Variants in GCNT4 observed in about 807,000 individuals in gnomAD.
GCNT4 encodes the protein beta-1,3-galactosyl-O-glycosyl-glycoprotein beta-1,6-N-acetylglucosaminyltransferase 4.
In GCNT4, 17 loss-of-function variants were observed where a neutral mutation model predicts 31.3. The observed-to-expected ratio is 0.54, with a 90% CI of 0.37 to 0.81. GCNT4 has a LOEUF of 0.81. GCNT4 is among the 40% of genes least tolerant of loss of function. The probability of loss-of-function intolerance (pLI) is 0.00; values close to 1 mark genes in which losing one functional copy is unlikely to be tolerated. For synonymous variants in GCNT4, 158 were observed against 190.6 expected (o/e 0.83, Z 1.41); for missense variants, 503 against 525.5 (o/e 0.96, Z 0.42).
At position 75,040,240 on chromosome 5, in the gene GCNT4, G is replaced by A. The variant is rs544315814; in HGVS notation, c.-2+7657C>T. ...GTCGCTTAGGCTGGAGTGCAGTGGC[G>A]CCAACTCAGCTCACTGCAACCTCCG... is the stretch of plus-strand genomic sequence containing the variant. On this transcript the variant is annotated intron_variant, in intron 3 of 3. Coordinates refer to ENST00000652361, the MANE Select transcript of GCNT4 (RefSeq NM_001366737.1). Among the ~76,000 whole-genome samples, 13 of 150,310 alleles carry A rather than the reference G, an allele frequency of 8.6e-5. No individual in the cohort carries two copies. The South Asian group carries it at 2.3e-3, about 27-fold the overall frequency.
chr5:75,046,319 T>TGGGG lies in GCNT4; in HGVS notation c.-2+1574_-2+1577dup, dbSNP rs1173177798. The stretch of plus-strand genomic sequence containing the variant: ...CTCCTTGTTCCACTGAGGTAGAATG[T>TGGGG]GGGGGTGTAGAGAAAGGACACAGCA... On this transcript the variant is annotated intron_variant, in intron 3 of 3. Transcript: ENST00000652361. Among the ~76,000 whole-genome samples, 4 of 152,020 alleles carry TGGGG rather than the reference T, an allele frequency of 2.6e-5. No homozygotes were observed. In the East Asian group the frequency reaches 7.7e-4, roughly 29 times the overall value.
upstream of GCNT4, among the ~76,000 whole-genome samples, chr5:75,053,952 C>T (rs1743651134): frequency 6.6e-6 from 1 of 152,120 alleles, no homozygotes; most frequent in African/African-American, 2.4e-5. Flanking sequence ...AACTCACATC[C>T]GCGGCTCCTT....
chr5:75,029,125 A>C lies in GCNT4; in HGVS notation c.913T>G (p.Phe305Val). The change falls in exon 4 of 4, where the codon TTT becomes GTT. Residue 305 changes from phenylalanine (F) to valine (V), a missense_variant. Physicochemically the swap from Phe to Val is conservative, Grantham distance 50. Transcript: ENST00000652361. The part of the protein sequence containing the change: ...NIQIFVGSAY[F>V]VLSQAFVKYI... ...TTAACAAATGCTTGACTTAAAACAA[A>C]ATAAGCACTGCCAACAAATATCTGA... The C allele has an allele frequency of 6.2e-7, 1 of 1,614,094 alleles. No homozygotes were observed. The highest frequency in any genetic ancestry group is 1.7e-5 in the Admixed American group (1 of 60,026).
intron 3 of GCNT4, among the ~76,000 whole-genome samples, chr5:75,040,386 G>C (rs1417164686): frequency 2.0e-5 from 3 of 152,100 alleles, no homozygotes; most frequent in Admixed American, 2.0e-4. Context: ...AGAAACATAA[G>C]GTCTTTGAAG....
intron 3 of GCNT4, among the ~76,000 whole-genome samples, chr5:75,035,535 A>G (rs1181818242): frequency 1.3e-5 from 2 of 152,146 alleles, no homozygotes; most frequent in Non-Finnish European, 2.9e-5. Flanking sequence ...TGATCAAACT[A>G]TTTAAGCTCT....
At chr5:75,053,712 G>A (rs1743643468), upstream of GCNT4, among the ~76,000 whole-genome samples, 1 of 152,070 alleles carries the variant, frequency 6.6e-6, no homozygotes, top group East Asian at 2.0e-4. Flanking sequence ...GTGACGTGCG[G>A]AGAAAGTAGG....
chr5:75,030,084 A>G, intron 3 of GCNT4, 46 bp from the exon 4 acceptor site: 1 of 1,530,530 alleles, frequency 6.5e-7, no homozygotes, highest in Non-Finnish European at 8.8e-7. Flanking sequence ...TTAACAGAAA[A>G]TCAGGTCAGT....
chr5:75,028,902 T>C lies in GCNT4; in HGVS notation c.1136A>G (p.Tyr379Cys), dbSNP rs758656396. The C allele has an allele frequency of 2.5e-6, 4 of 1,614,016 alleles. No homozygotes were observed. Among genetic ancestry groups the C allele is most frequent in the South Asian group, 1.1e-5 (1 of 91,080 alleles). Residue 379 changes from tyrosine to cysteine, a missense_variant, in exon 4 of 4, where the codon TAT (tyrosine) becomes TGT (cysteine). By Grantham distance (194) the Tyr-to-Cys change is radical. Transcript: ENST00000652361. ...VKWNYYEGFF[Y>C]PSCTGSHLRS... ...AAGGTGAGATCCAGTACAACTGGGA[T>C]AGAAAAAGCCTTCATAGTAATTCCA...
At chr5:75,022,715 C>A (rs1297894224), downstream of GCNT4, among the ~76,000 whole-genome samples, 1 of 152,164 alleles carries the variant, frequency 6.6e-6, no homozygotes, top group Admixed American at 6.5e-5. Flanking sequence ...GTAATAGAGA[C>A]TTGAGATGAC....
chr5:75,030,260 G>T, intron 3 of GCNT4: 2 of 491,450 alleles, frequency 4.1e-6, no homozygotes, highest in Non-Finnish European at 3.7e-6. Flanking sequence ...AATTTTGAGA[G>T]ATGTTGGTTT....
At chr5:75,049,813 C>T (rs902872734) in intron 2 of GCNT4, among the ~76,000 whole-genome samples, 3 of 152,168 alleles carry the variant, frequency 2.0e-5, no homozygotes, top group African/African-American at 7.2e-5. Flanking sequence ...CGGATCCTGG[C>T]CTTAACTTTG....
intron 3 of GCNT4, among the ~76,000 whole-genome samples, chr5:75,043,017 A>T (rs1580244431): frequency 6.6e-6 from 1 of 152,238 alleles, no homozygotes; most frequent in East Asian, 1.9e-4. Context: ...CCAAAAGTCA[A>T]ATCTAGAAAT....
chr5:75,028,548 A>G lies in GCNT4; in HGVS notation c.*128T>C. The G allele has an allele frequency of 1.2e-6, 1 of 855,520 alleles. No homozygotes were observed. 53.0% of individuals were successfully genotyped at this position (855,520 alleles called of 1,614,324 possible). On this transcript the variant is annotated 3_prime_UTR_variant, in exon 4 of 4. Coordinates refer to ENST00000652361, the MANE Select transcript of GCNT4 (RefSeq NM_001366737.1). The stretch of plus-strand genomic sequence containing the variant: ...AAGGCTAGATCACTTTCCCTTGTGT[A>G]TGGAATTTTGGACACCTTTTAAAAT...
chr5:75,019,053 T>C, the GCNT4 span, among the ~76,000 whole-genome samples: 11 of 152,320 alleles, frequency 7.2e-5, no homozygotes, highest in East Asian at 1.9e-3. Context: ...ATAGACTGAA[T>C]GTTTGTGTCT....
chr5:75,024,364 T>C (rs147471302), downstream of GCNT4, among the ~76,000 whole-genome samples: 538 of 152,308 alleles, frequency 3.5e-3, no homozygotes, highest in Middle Eastern at 6.8e-3. Flanking sequence ...AGTGTTTATT[T>C]TTTTAGGTTG....
At chr5:75,020,574 G>GC (rs1317609068), downstream of GCNT4, among the ~76,000 whole-genome samples, 2 of 152,134 alleles carry the variant, frequency 1.3e-5, no homozygotes, top group East Asian at 1.9e-4. Context: ...CCTACTTACA[G>GC]CCCCCCGAGT....
chr5:75,032,230 T>C (rs1743079406), intron 3 of GCNT4, among the ~76,000 whole-genome samples: 2 of 152,168 alleles, frequency 1.3e-5, no homozygotes, highest in African/African-American at 4.8e-5. Context: ...TCCTGCATAC[T>C]TGCCCCCATC....
intron 3 of GCNT4, among the ~76,000 whole-genome samples, chr5:75,037,646 G>A (rs1743227752): frequency 6.6e-6 from 1 of 152,116 alleles, no homozygotes. Flanking sequence ...AGACTGGCCT[G>A]AGTGCAGATC....
intron 3 of GCNT4, among the ~76,000 whole-genome samples, chr5:75,034,195 G>A (rs1743146706): frequency 2.0e-5 from 3 of 152,204 alleles, no homozygotes. Context: ...CAGGAGGTTG[G>A]AGAGGACCAC....
Sources: gnomAD v4.1 joint callset for allele counts (sites outside exome capture counted in the v4.1 genomes callset) on GRCh38, gnomAD v4.1.1 for gene constraint, MANE v1.5 for transcripts, NCBI Gene and HGNC (gene_info 2026-07-23, HGNC 2026-07-21) for gene names.